The following MTPN variants were observed in gnomAD, a reference collection of about 807,000 sequenced individuals.
MTPN encodes the protein granule cell differentiation protein.
In MTPN, 2 loss-of-function variants were observed where a neutral mutation model predicts 13.5. That is an observed-to-expected ratio of 0.15 (90% CI 0.06 to 0.47). The LOEUF is 0.47. Ranked by LOEUF, MTPN falls within the 20% of genes least tolerant of loss-of-function variation. The pLI is 0.97. For synonymous variants in MTPN, 46 were observed against 51.7 expected (o/e 0.89, Z 0.48); for missense variants, 79 against 137.9 (o/e 0.57, Z 2.14).
At chr7:135,954,851 G>A (rs888099009) in intron 1 of MTPN, among the ~76,000 whole-genome samples, 1 of 152,206 alleles carries the variant, frequency 6.6e-6, no homozygotes, top group Non-Finnish European at 1.5e-5. Flanking sequence ...GCTGAGGCAG[G>A]ACAATGGCAT....
At chr7:135,959,896 C>A (rs1263188426) in intron 1 of MTPN, among the ~76,000 whole-genome samples, 2 of 151,824 alleles carry the variant, frequency 1.3e-5, no homozygotes, top group Non-Finnish European at 2.9e-5. Flanking sequence ...ACTGCAACAA[C>A]AGAATGAAAT....
chr7:135,935,900 G>C (rs1478372620), intron 3 of MTPN, among the ~76,000 whole-genome samples: 1 of 152,010 alleles, frequency 6.6e-6, no homozygotes, highest in Non-Finnish European at 1.5e-5. Flanking sequence ...CAGCTCAAGT[G>C]TCAACTGCTT....
Position 135,949,044 on chromosome 7 carries a change from CAAAAAT to C in MTPN, c.270+1549_270+1554del, listed in dbSNP as rs1799325735. On this transcript the variant is annotated intron_variant, in intron 3 of 3. Transcript: ENST00000393085. Reference sequence around the variant, plus strand: ...GCTGAGGAAGAGACCTGGGACAGGCCAAAAATAAAAATAAAAAAATCAGATCATGGT... The same window carrying C: ...GCTGAGGAAGAGACCTGGGACAGGCCAAAAATAAAAAAATCAGATCATGGT... Among the ~76,000 whole-genome samples the C allele has an allele frequency of 2.6e-5, 4 of 151,672 alleles. No homozygotes were observed. The South Asian group carries it at 8.3e-4, about 32-fold the overall frequency.
chr7:135,972,255 A>ACC (rs765408945), intron 1 of MTPN, among the ~76,000 whole-genome samples: 11 of 135,940 alleles, frequency 8.1e-5, no homozygotes, highest in Admixed American at 7.0e-4. Flanking sequence ...ACACACACAC[A>ACC]CACACCCCAT....
intron 1 of MTPN, among the ~76,000 whole-genome samples, chr7:135,968,900 C>T (rs946580117): frequency 6.6e-6 from 1 of 151,806 alleles, no homozygotes; most frequent in South Asian, 2.1e-4. Context: ...TTTGAAACCA[C>T]ACATCATTAA....
intron 1 of MTPN, among the ~76,000 whole-genome samples, chr7:135,952,913 C>T (rs1018915711): frequency 2.6e-5 from 4 of 152,026 alleles, no homozygotes; most frequent in Non-Finnish European, 4.4e-5. Flanking sequence ...GAGCCATGAC[C>T]CTGCCACTAC....
rs1425118327 is a variant in MTPN at position 135,928,302 on chromosome 7, A to C, written c.*1624T>G. On this transcript the variant is annotated 3_prime_UTR_variant, in exon 4 of 4. Coordinates refer to ENST00000393085, the MANE Select transcript of MTPN (RefSeq NM_145808.4). ...GACTCATGGGGAAAAATACACACAC[A>C]CACCCACACACACCTATACACCCAC... The C allele has an allele frequency of 6.0e-6, 1 of 165,736 alleles. No homozygotes were observed. Among genetic ancestry groups the C allele is most frequent in the African/African-American group, 2.5e-5 (1 of 40,144 alleles). 10.3% of individuals were successfully genotyped at this position (165,736 alleles called of 1,614,324 possible).
intron 3 of MTPN, among the ~76,000 whole-genome samples, chr7:135,942,424 T>C (rs1447024196): frequency 1.3e-5 from 2 of 152,164 alleles, no homozygotes; most frequent in East Asian, 3.9e-4. Flanking sequence ...ACTTGAGTAC[T>C]TGGCTATACT....
chr7:135,962,469 A>G (rs1474940012), intron 1 of MTPN, among the ~76,000 whole-genome samples: 1 of 152,014 alleles, frequency 6.6e-6, no homozygotes, highest in African/African-American at 2.4e-5. Context: ...TATTAATGGC[A>G]AGAATATTAC....
Position 135,929,941 on chromosome 7 carries a change from TTTGA to T in MTPN, c.338_341del (p.Ile113LysfsTer11), listed in dbSNP as rs772101063. 6.2e-7 allele frequency: 1 copy of T among 1,614,068 alleles called. No homozygotes were observed. Among genetic ancestry groups the T allele is most frequent in the Admixed American group, 1.7e-5 (1 of 60,020 alleles). ...CATCCATCCATCACTGGAGAAGAGCTTTGATTGCCTGGTTGTCAGTGGCTTCAAA... is the reference window on the plus strand; with the variant it reads ...CATCCATCCATCACTGGAGAAGAGCTTTGCCTGGTTGTCAGTGGCTTCAAA... On this transcript the variant is annotated frameshift_variant, in exon 4 of 4. Coordinates refer to ENST00000393085, the MANE Select transcript of MTPN (RefSeq NM_145808.4). LOFTEE classifies it high-confidence loss of function.
At chr7:135,957,136 T>C in intron 1 of MTPN, among the ~76,000 whole-genome samples, 1 of 152,226 alleles carries the variant, frequency 6.6e-6, no homozygotes, top group East Asian at 1.9e-4. Context: ...TTTGAAGCTA[T>C]TATTTTCTCT....
At position 135,950,158 on chromosome 7, in the gene MTPN, G is replaced by A. The variant is rs556546701; in HGVS notation, c.270+441C>T. 2.6e-5 allele frequency among the ~76,000 whole-genome samples: 4 copies of A among 152,290 alleles called. No homozygotes were observed. In the South Asian group the frequency reaches 8.3e-4, roughly 32 times the overall value. On this transcript the variant is annotated intron_variant, in intron 3 of 3. Coordinates refer to ENST00000393085, the MANE Select transcript of MTPN (RefSeq NM_145808.4). ...ATCAAGAAACCAGATAACTTGGAGA[G>A]TCCTTACTTAACAGCAAACTACCTC...
At chr7:135,940,390 G>C (rs1352569580) in intron 3 of MTPN, among the ~76,000 whole-genome samples, 3 of 152,102 alleles carry the variant, frequency 2.0e-5, no homozygotes, top group African/African-American at 4.8e-5. Flanking sequence ...TATTGATACA[G>C]GAGACAGAGT....
intron 3 of MTPN, among the ~76,000 whole-genome samples, chr7:135,933,296 T>C (rs1470953936): frequency 3.9e-5 from 6 of 152,242 alleles, no homozygotes; most frequent in East Asian, 1.9e-4. Flanking sequence ...GCTACATACA[T>C]AGGCCTTTAG....
intron 1 of MTPN, among the ~76,000 whole-genome samples, chr7:135,953,298 C>T (rs1020659505): frequency 3.3e-5 from 5 of 152,154 alleles, no homozygotes; most frequent in African/African-American, 1.2e-4. Context: ...ATATATGGTA[C>T]CCTTACAACT....
chr7:135,943,781 A>C (rs1799247438), intron 3 of MTPN, among the ~76,000 whole-genome samples: 1 of 152,206 alleles, frequency 6.6e-6, no homozygotes, highest in African/African-American at 2.4e-5. Context: ...TTTGACACAG[A>C]AGCAGAGAAA....
rs567486648 is a variant in MTPN, at chr7:135,927,985, C to T, written c.*1941G>A. The T allele has an allele frequency of 3.2e-4, 91 of 280,432 alleles. No individual in the cohort carries two copies. Among genetic ancestry groups the T allele is most frequent in the African/African-American group, 2.0e-3 (85 of 43,460 alleles). The allele number at this position is 280,432 out of a possible 1,614,324, so 17.4% of individuals were successfully genotyped here. A position where few individuals can be genotyped will look rare whatever the true frequency, so the allele number is the denominator to read the frequency against. ...TTCAAGCCTTTAAATAGCATTATGT[C>T]AAGAGGTGAAAACAAAGGTATCAAA... On this transcript the variant is annotated 3_prime_UTR_variant, in exon 4 of 4. Coordinates refer to ENST00000393085, the MANE Select transcript of MTPN (RefSeq NM_145808.4).
At chr7:135,934,363 C>T (rs1799080750) in intron 3 of MTPN, among the ~76,000 whole-genome samples, 1 of 152,200 alleles carries the variant, frequency 6.6e-6, no homozygotes, top group African/African-American at 2.4e-5. Flanking sequence ...ACCCATATGT[C>T]TGGAGCTGGC....
intron 3 of MTPN, among the ~76,000 whole-genome samples, chr7:135,949,817 T>C (rs1420971596): frequency 2.0e-5 from 3 of 152,214 alleles, no homozygotes; most frequent in Non-Finnish European, 4.4e-5. Context: ...TTTATATACA[T>C]CTACTCATTT....
Sources: gnomAD v4.1 joint callset for allele counts (sites outside exome capture counted in the v4.1 genomes callset) on GRCh38, gnomAD v4.1.1 for gene constraint, MANE v1.5 for transcripts, NCBI Gene and HGNC (gene_info 2026-07-23, HGNC 2026-07-21) for gene names.